LRBA: variants seen among roughly 807,000 people sequenced by gnomAD.
LRBA encodes the protein lipopolysaccharide-responsive and beige-like anchor protein.
LRBA carries 176 observed loss-of-function variants against 330.0 expected under a neutral mutation model. The ratio of observed to expected loss-of-function variants is 0.53; its 90% CI spans 0.47 to 0.60. The LOEUF is 0.60. Among genes scored for constraint, LRBA ranks in the 20% least tolerant of loss-of-function variants. LRBA has a pLI of 0.00. For missense variants in LRBA, 3,259 were observed against 3,444.8 expected (o/e 0.95, Z 1.35); for synonymous variants, 1,230 against 1,193.0 (o/e 1.03, Z -0.64).
intron 47 of LRBA, among the ~76,000 whole-genome samples, chr4:150,410,464 T>C (rs940009039): frequency 6.6e-6 from 1 of 152,176 alleles, no homozygotes; most frequent in Non-Finnish European, 1.5e-5. Flanking sequence ...CTTTACCTTG[T>C]TAAGTGAGTA....
chr4:150,820,536 T>C (rs1382223524), intron 30 of LRBA, among the ~76,000 whole-genome samples: 1 of 152,012 alleles, frequency 6.6e-6, no homozygotes, highest in Non-Finnish European at 1.5e-5. Context: ...TTTTAAAAGC[T>C]GAATTATTTC....
chr4:150,301,099 A>C (rs565673533), intron 53 of LRBA, among the ~76,000 whole-genome samples: 2 of 152,084 alleles, frequency 1.3e-5, no homozygotes, highest in Non-Finnish European at 2.9e-5. Flanking sequence ...GAGATAATTG[A>C]GTGAATCTCG....
At chr4:150,803,926 C>G (rs913974131) in intron 33 of LRBA, among the ~76,000 whole-genome samples, 8 of 151,986 alleles carry the variant, frequency 5.3e-5, no homozygotes, top group African/African-American at 1.9e-4. Flanking sequence ...TTAACATGAT[C>G]CTATCTTGTT....
chr4:150,599,246 C>T, intron 37 of LRBA, 115 bp from the exon 38 acceptor site: 1 of 1,082,550 alleles, frequency 9.2e-7, no homozygotes, highest in Non-Finnish European at 1.3e-6. Context: ...TCTCCTTCCA[C>T]TTAATTCTCC....
intron 47 of LRBA, among the ~76,000 whole-genome samples, chr4:150,403,247 G>A (rs1745740352): frequency 6.6e-6 from 1 of 152,214 alleles, no homozygotes; most frequent in South Asian, 2.1e-4. Context: ...GAAGTTGCCT[G>A]TAATCAGAGC....
At chr4:150,984,509 C>CAA (rs959366541) in intron 2 of LRBA, among the ~76,000 whole-genome samples, 2 of 133,220 alleles carry the variant, frequency 1.5e-5, no homozygotes, top group Admixed American at 7.5e-5. Context: ...AAGTCCGTCT[C>CAA]AAAAAAAAAA....
intron 2 of LRBA, among the ~76,000 whole-genome samples, chr4:150,979,862 C>T (rs1740641087): frequency 6.6e-6 from 1 of 152,094 alleles, no homozygotes; most frequent in African/African-American, 2.4e-5. Flanking sequence ...AAGTCCAGGA[C>T]CTGATGGCTT....
At chr4:150,639,262 A>G (rs1048678418) in intron 37 of LRBA, among the ~76,000 whole-genome samples, 2 of 142,012 alleles carry the variant, frequency 1.4e-5, no homozygotes, top group African/African-American at 2.6e-5. Flanking sequence ...CTAATGCTAG[A>G]TGACGAGTTA....
intron 35 of LRBA, among the ~76,000 whole-genome samples, chr4:150,749,399 A>G (rs1733222422): frequency 6.6e-6 from 1 of 152,102 alleles, no homozygotes; most frequent in African/African-American, 2.4e-5. Context: ...GAGAGACTCC[A>G]CGTCTATTTT....
chr4:150,625,700 T>TAC (rs1298829394), intron 37 of LRBA, among the ~76,000 whole-genome samples: 2 of 149,044 alleles, frequency 1.3e-5, no homozygotes, highest in Non-Finnish European at 3.0e-5. Context: ...TATATATATA[T>TAC]ATATATAATT....
chr4:150,748,708 A>G (rs965949494), intron 35 of LRBA, among the ~76,000 whole-genome samples: 3 of 151,808 alleles, frequency 2.0e-5, no homozygotes, highest in Non-Finnish European at 4.4e-5. Context: ...ATGCTTGTTG[A>G]TATGGTTTGA....
At chr4:150,495,899 T>C (rs892031754) in intron 40 of LRBA, among the ~76,000 whole-genome samples, 7 of 152,180 alleles carry the variant, frequency 4.6e-5, no homozygotes, top group Non-Finnish European at 8.8e-5. Context: ...CTTTACTCTC[T>C]TTGAATGTTT....
At chr4:150,500,525 C>T (rs1760132133) in intron 40 of LRBA, among the ~76,000 whole-genome samples, 1 of 152,140 alleles carries the variant, frequency 6.6e-6, no homozygotes, top group Non-Finnish European at 1.5e-5. Flanking sequence ...TTGCAGTGAG[C>T]TGAGATCGGA....
chr4:150,538,563 A>T (rs1022181042), intron 40 of LRBA, among the ~76,000 whole-genome samples: 1 of 152,186 alleles, frequency 6.6e-6, no homozygotes, highest in Non-Finnish European at 1.5e-5. Context: ...ACATGTTCTC[A>T]TTCATAAATG....
At chr4:150,891,181 C>T (rs1423620050) in intron 17 of LRBA, among the ~76,000 whole-genome samples, 1 of 152,150 alleles carries the variant, frequency 6.6e-6, no homozygotes, top group East Asian at 1.9e-4. Flanking sequence ...ACGACCTATC[C>T]ATTACATTCC....
intron 2 of LRBA, among the ~76,000 whole-genome samples, chr4:150,965,932 TAGAG>T (rs1738829494): frequency 6.6e-6 from 1 of 152,058 alleles, no homozygotes; most frequent in Non-Finnish European, 1.5e-5. Context: ...AAAGAGGTCA[TAGAG>T]AGAGATTTCA....
intron 44 of LRBA, among the ~76,000 whole-genome samples, chr4:150,450,560 G>A (rs113112425): frequency 3.7e-4 from 57 of 152,218 alleles, no homozygotes; most frequent in African/African-American, 1.3e-3. Context: ...CAGTCATATT[G>A]GATTTGGGCC....
At chr4:150,828,685 T>C (rs1185106212) in intron 29 of LRBA, 64 bp from the exon 30 acceptor site, 25 of 1,395,548 alleles carry the variant, frequency 1.8e-5, no homozygotes, top group Non-Finnish European at 2.1e-5. Flanking sequence ...TTTTAAAAGG[T>C]ATATTCTGTT....
chr4:150,463,624 C>T (rs1755058608), intron 44 of LRBA, among the ~76,000 whole-genome samples: 1 of 151,884 alleles, frequency 6.6e-6, no homozygotes, highest in African/African-American at 2.4e-5. Context: ...AACCTTATTT[C>T]TCATATCCTG....
Sources: gnomAD v4.1 joint callset for allele counts (sites outside exome capture counted in the v4.1 genomes callset) on GRCh38, gnomAD v4.1.1 for gene constraint, MANE v1.5 for transcripts, NCBI Gene and HGNC (gene_info 2026-07-23, HGNC 2026-07-21) for gene names.